Variants in TAS2R1 observed in about 807,000 individuals in gnomAD.
The protein encoded by TAS2R1 is taste 2 receptor member 1.
For synonymous variants in TAS2R1, 141 were observed against 134.2 expected, an observed-to-expected ratio of 1.05 and a Z score of -0.35; for missense variants, 370 against 353.4, an observed-to-expected ratio of 1.05 and a Z score of -0.38.
At chr5:9,744,492 T>C in the TAS2R1 span, among the ~76,000 whole-genome samples, 3 of 152,076 alleles carry the variant, frequency 2.0e-5, no homozygotes, top group South Asian at 4.1e-4. Flanking sequence ...AAGTGGTCCG[T>C]GTGGTCCTTA....
At chr5:9,689,325 G>A (rs973217439) in intron 1 of TAS2R1, among the ~76,000 whole-genome samples, 4 of 152,136 alleles carry the variant, frequency 2.6e-5, no homozygotes, top group African/African-American at 7.2e-5. Flanking sequence ...CTCGAAGGGT[G>A]GTCCCCGGAC....
the TAS2R1 span, among the ~76,000 whole-genome samples, chr5:9,840,480 T>G: frequency 0.06 from 9,060 of 152,266 alleles, 641 homozygotes; most frequent in East Asian, 0.23. Flanking sequence ...TGCACTCTTC[T>G]TGACTATTTA....
chr5:9,777,905 G>A, the TAS2R1 span, among the ~76,000 whole-genome samples: 2 of 137,256 alleles, frequency 1.5e-5, no homozygotes, highest in African/African-American at 2.7e-5. Context: ...ACGGAGTCTT[G>A]CTCTGTCGCC....
chr5:9,860,244 TC>T, the TAS2R1 span, among the ~76,000 whole-genome samples: 4 of 152,238 alleles, frequency 2.6e-5, no homozygotes, highest in Admixed American at 1.3e-4. Context: ...GTAACATTTT[TC>T]TAGACATTTA....
intron 1 of TAS2R1, among the ~76,000 whole-genome samples, chr5:9,665,330 C>T (rs367981243): frequency 1.1e-4 from 17 of 152,324 alleles, no homozygotes; most frequent in African/African-American, 3.1e-4. Context: ...CTCCTCATCT[C>T]GAAATCAACT....
the TAS2R1 span, among the ~76,000 whole-genome samples, chr5:9,895,073 T>G: frequency 6.6e-6 from 1 of 152,230 alleles, no homozygotes; most frequent in Non-Finnish European, 1.5e-5. Context: ...AGTAGCCCAG[T>G]GCAGCAAGTT....
the TAS2R1 span, among the ~76,000 whole-genome samples, chr5:9,758,123 A>G: frequency 6.6e-6 from 1 of 152,200 alleles, no homozygotes; most frequent in Non-Finnish European, 1.5e-5. Flanking sequence ...GCACTTTTAA[A>G]GTATTAGAAA....
At chr5:9,828,948 G>C in the TAS2R1 span, among the ~76,000 whole-genome samples, 1 of 152,208 alleles carries the variant, frequency 6.6e-6, no homozygotes. Flanking sequence ...AGTTTCATTA[G>C]ATCTACTGGG....
chr5:9,638,520 G>C (rs1740010593), intron 2 of TAS2R1, among the ~76,000 whole-genome samples: 1 of 152,200 alleles, frequency 6.6e-6, no homozygotes, highest in South Asian at 2.1e-4. Flanking sequence ...GGGTTATTCT[G>C]TCCTGAGTTG....
At chr5:9,706,309 G>C (rs577543370) in intron 1 of TAS2R1, among the ~76,000 whole-genome samples, 89 of 152,288 alleles carry the variant, frequency 5.8e-4, no homozygotes, top group Non-Finnish European at 1.1e-3. Flanking sequence ...TCAGAACCAG[G>C]GGAACTGGCC....
the TAS2R1 span, among the ~76,000 whole-genome samples, chr5:9,821,974 C>A: frequency 3.3e-5 from 5 of 152,122 alleles, no homozygotes; most frequent in Admixed American, 1.3e-4. Flanking sequence ...AAGGCTGGGG[C>A]TTGGAAGTCA....
At chr5:9,663,405 G>A (rs1446403619) in intron 1 of TAS2R1, among the ~76,000 whole-genome samples, 2 of 152,118 alleles carry the variant, frequency 1.3e-5, no homozygotes, top group African/African-American at 4.8e-5. Context: ...CTACAATGGA[G>A]GAGGAGAGAT....
chr5:9,762,239 C>G, the TAS2R1 span, among the ~76,000 whole-genome samples: 1 of 152,156 alleles, frequency 6.6e-6, no homozygotes, highest in African/African-American at 2.4e-5. Context: ...CTTCCACCTC[C>G]ACATACAACC....
the TAS2R1 span, among the ~76,000 whole-genome samples, chr5:9,840,849 ATTTATTTATTTTTTTTTTTT>A: frequency 7.7e-5 from 1 of 12,910 alleles, no homozygotes; most frequent in African/African-American, 3.3e-4. Context: ...TTATTTATTT[ATTTATTTATTTTTTTTTTTT>A]TTTTTTTTTT....
the TAS2R1 span, among the ~76,000 whole-genome samples, chr5:9,784,558 C>T: frequency 2.0e-5 from 3 of 152,200 alleles, no homozygotes; most frequent in South Asian, 2.1e-4. Flanking sequence ...AAGGTCTCAT[C>T]GTCAAACCGC....
chr5:9,850,993 A>T, the TAS2R1 span, among the ~76,000 whole-genome samples: 1 of 152,134 alleles, frequency 6.6e-6, no homozygotes, highest in African/African-American at 2.4e-5. Context: ...GCATCAGTGG[A>T]CCTGGAAATG....
At chr5:9,640,972 T>G (rs1579763976) in intron 2 of TAS2R1, among the ~76,000 whole-genome samples, 1 of 152,334 alleles carries the variant, frequency 6.6e-6, no homozygotes, top group East Asian at 1.9e-4. Context: ...TGCTGTCATA[T>G]TGCCATGACA....
chr5:9,734,008 C>T, the TAS2R1 span, among the ~76,000 whole-genome samples: 1 of 152,032 alleles, frequency 6.6e-6, no homozygotes, highest in African/African-American at 2.4e-5. Context: ...ATGTTGGAAC[C>T]TAATCTTTAG....
chr5:9,890,115 C>T, the TAS2R1 span, among the ~76,000 whole-genome samples: 2 of 152,058 alleles, frequency 1.3e-5, no homozygotes, highest in Admixed American at 6.5e-5. Flanking sequence ...GAAAAAGGGA[C>T]TCGGGATCCA....
Sources: gnomAD v4.1 joint callset for allele counts (sites outside exome capture counted in the v4.1 genomes callset) on GRCh38, gnomAD v4.1.1 for gene constraint, MANE v1.5 for transcripts, NCBI Gene and HGNC (gene_info 2026-07-23, HGNC 2026-07-21) for gene names.